Variants in PWWP2A observed in about 807,000 individuals in gnomAD.
PWWP2A encodes the protein PWWP domain-containing protein 2A.
PWWP2A carries 18 observed loss-of-function variants against 48.5 expected under a neutral mutation model. The observed-to-expected ratio is 0.37, with a 90% CI of 0.26 to 0.55. The LOEUF (loss-of-function observed/expected upper bound fraction) is 0.55. Ranked by LOEUF, PWWP2A falls within the 20% of genes least tolerant of loss-of-function variation. The pLI is 0.81. For synonymous variants in PWWP2A, 396 were observed against 387.7 expected, an observed-to-expected ratio of 1.02 and a Z score of -0.25; for missense variants, 867 against 976.4, an observed-to-expected ratio of 0.89 and a Z score of 1.49.
intron 1 of PWWP2A, among the ~76,000 whole-genome samples, chr5:160,101,194 T>C (rs1164207360): frequency 6.6e-6 from 1 of 152,052 alleles, no homozygotes; most frequent in Non-Finnish European, 1.5e-5. Flanking sequence ...CTACTAAAAA[T>C]ACAAAAATTA....
downstream of PWWP2A, among the ~76,000 whole-genome samples, chr5:160,088,987 A>AT (rs2113508649): frequency 6.6e-6 from 1 of 152,314 alleles, no homozygotes; most frequent in South Asian, 2.1e-4. Flanking sequence ...TAGTGAAGAT[A>AT]TATTCATTTT....
In PWWP2A at chr5:160,092,249, G is replaced by A. The variant is rs1261550343; in HGVS notation, c.*133C>T. The stretch of plus-strand genomic sequence containing the variant: ...CAGTCTAAAAATGGCTATAAGGTAA[G>A]TATTAAAAAGCCAGCCAACTGAGTG... On this transcript the variant is annotated 3_prime_UTR_variant, in exon 2 of 2. Coordinates refer to ENST00000307063, the MANE Select transcript of PWWP2A (RefSeq NM_001130864.2). 3.5e-6 allele frequency: 5 copies of A among 1,420,166 alleles called. No homozygotes were observed. Among genetic ancestry groups the A allele is most frequent in the Admixed American group, 2.9e-5 (1 of 34,354 alleles). 88.0% of individuals were successfully genotyped at this position (1,420,166 alleles called of 1,614,324 possible).
Position 160,119,169 on chromosome 5 carries a change from G to A in PWWP2A, c.220C>T (p.Pro74Ser). ...DEPPLPPPPP[P>S]PGELARSPEA... is the part of the protein sequence containing the mutation. ...GGGCTGCGGGCGAGCTCCCCCGGCG[G>A]CGGCGGTGGCGGCGGGAGCGGCGGC... Residue 74 changes from proline (P) to serine (S), a missense_variant, in exon 1 of 2, where the codon CCG becomes TCG. By Grantham distance (74) the Pro-to-Ser change is moderately conservative (BLOSUM62 -1). Coordinates refer to ENST00000307063, the MANE Select transcript of PWWP2A (RefSeq NM_001130864.2). 1 of 1,512,592 alleles carries A rather than the reference G, an allele frequency of 6.6e-7. No homozygotes were observed. Among genetic ancestry groups the A allele is most frequent in the East Asian group, 2.6e-5 (1 of 38,666 alleles). The allele number at this position is 1,512,592 out of a possible 1,614,324, so 93.7% of individuals were successfully genotyped here.
At chr5:160,085,699 G>T (rs1219441061) in intron 2 of PWWP2A, among the ~76,000 whole-genome samples, 1 of 151,902 alleles carries the variant, frequency 6.6e-6, no homozygotes, top group East Asian at 1.9e-4. Flanking sequence ...TAGAGACGGG[G>T]TTTCACCACG....
At chr5:160,048,027 G>A in the PWWP2A span, among the ~76,000 whole-genome samples, 8 of 148,354 alleles carry the variant, frequency 5.4e-5, no homozygotes, top group Admixed American at 2.0e-4. Flanking sequence ...TACATTGGAC[G>A]TATATATTAA....
At chr5:160,105,903 C>T (rs1581248584) in intron 1 of PWWP2A, among the ~76,000 whole-genome samples, 2 of 152,098 alleles carry the variant, frequency 1.3e-5, no homozygotes, top group South Asian at 2.1e-4. Context: ...GGCTTCAAAG[C>T]TGACAATTTG....
downstream of PWWP2A, among the ~76,000 whole-genome samples, chr5:160,072,941 T>A (rs887147407): frequency 7.5e-6 from 1 of 133,624 alleles, no homozygotes; most frequent in Non-Finnish European, 1.5e-5. Context: ...GAGGCGGAAG[T>A]TGCAGTGTGC....
chr5:160,062,962 G>A (rs1753470533), intron 5 of PWWP2A, among the ~76,000 whole-genome samples: 1 of 152,196 alleles, frequency 6.6e-6, no homozygotes, highest in South Asian at 2.1e-4. Flanking sequence ...GCCCGAGGCT[G>A]TGCCGCTGCC....
intron 1 of PWWP2A, among the ~76,000 whole-genome samples, chr5:160,115,638 A>C (rs1422149863): frequency 6.6e-6 from 1 of 151,692 alleles, no homozygotes; most frequent in African/African-American, 2.4e-5. Context: ...GGTTGCACTG[A>C]GCTGAGATCA....
In PWWP2A at chr5:160,119,429, G is replaced by T. The variant is rs372339375; in HGVS notation, c.-41C>A. 1 of 1,349,444 alleles carries T rather than the reference G, an allele frequency of 7.4e-7. No individual in the cohort carries two copies. Among genetic ancestry groups the T allele is most frequent in the Non-Finnish European group, 9.5e-7 (1 of 1,056,246 alleles). The allele number at this position is 1,349,444 out of a possible 1,614,324, so 83.6% of individuals were successfully genotyped here. A position where few individuals can be genotyped will look rare whatever the true frequency, so the allele number is the denominator to read the frequency against. ...TCCCTCCTCCAACTCCGGCTGCAGC[G>T]GCGGCGGCGACAGCGCTGCTTGGTT... is the stretch of plus-strand genomic sequence containing the variant. On this transcript the variant is annotated 5_prime_UTR_variant, in exon 1 of 2. Coordinates refer to ENST00000307063, the MANE Select transcript of PWWP2A (RefSeq NM_001130864.2).
At chr5:160,056,324 C>T in the PWWP2A span, among the ~76,000 whole-genome samples, 3 of 152,180 alleles carry the variant, frequency 2.0e-5, no homozygotes, top group African/African-American at 4.8e-5. Context: ...GGAACATATT[C>T]CTGGTGTCCT....
At chr5:160,104,629 C>T (rs898218322) in intron 1 of PWWP2A, among the ~76,000 whole-genome samples, 4 of 151,818 alleles carry the variant, frequency 2.6e-5, no homozygotes. Context: ...ATGGCAAAAC[C>T]CCATTTCTAC....
chr5:160,118,714 G>A (rs936712165), intron 1 of PWWP2A, 91 bp downstream of exon 1: 49 of 1,244,482 alleles, frequency 3.9e-5, no homozygotes, highest in Non-Finnish European at 4.8e-5. Context: ...GGGCAGCGGG[G>A]AAGCGAGGGC....
chr5:160,084,826 C>T (rs1426440563), intron 2 of PWWP2A, among the ~76,000 whole-genome samples: 2 of 152,000 alleles, frequency 1.3e-5, no homozygotes, highest in Non-Finnish European at 2.9e-5. Context: ...ACACTCAACT[C>T]GATGACACTT....
chr5:160,079,186 C>A (rs1754056043), intron 3 of PWWP2A, among the ~76,000 whole-genome samples: 1 of 151,942 alleles, frequency 6.6e-6, no homozygotes, highest in Admixed American at 6.6e-5. Context: ...AACAGAAAAA[C>A]CACTCCGTCC....
chr5:160,117,996 G>T, intron 1 of PWWP2A: 1 of 452,774 alleles, frequency 2.2e-6, no homozygotes, highest in Non-Finnish European at 2.9e-6. Flanking sequence ...TGAAAGCAGA[G>T]CCCAAAAACA....
chr5:160,093,542 T>A lies in PWWP2A; in HGVS notation c.1108A>T (p.Lys370Ter). 6.2e-7 allele frequency: 1 copy of A among 1,613,792 alleles called. No individual in the cohort carries two copies. The highest frequency in any genetic ancestry group is 8.5e-7 in the Non-Finnish European group (1 of 1,179,840). ...TVNKKLKTDH[K>*]VDGKNQNESQ... ...TCATTTTGGTTTTTCCCATCCACTT[T>A]ATGGTCAGTTTTCAGTTTTTTGTTC... Residue 370 changes from lysine to a stop codon, truncating the protein, a stop_gained, in exon 2 of 2, where the codon AAA becomes TAA. Coordinates refer to ENST00000307063, the MANE Select transcript of PWWP2A (RefSeq NM_001130864.2). LOFTEE classifies it high-confidence loss of function. The surrounding 1 kb of genome is among the most constrained non-coding windows in gnomAD (Gnocchi z 5.8).
downstream of PWWP2A, among the ~76,000 whole-genome samples, chr5:160,058,482 C>T (rs1177085854): frequency 6.7e-6 from 1 of 148,352 alleles, no homozygotes; most frequent in African/African-American, 2.5e-5. Flanking sequence ...GCGATCTCGG[C>T]TCAGTGCAAG....
intron 1 of PWWP2A, among the ~76,000 whole-genome samples, chr5:160,097,755 G>A (rs1346263332): frequency 5.0e-5 from 7 of 140,744 alleles, no homozygotes; most frequent in East Asian, 2.3e-4. Context: ...TCTCACTGTC[G>A]CCCAGGCTGG....
Sources: allele counts gnomAD v4.1 joint callset (sites outside exome capture counted in the v4.1 genomes callset), GRCh38; gene constraint gnomAD v4.1.1; non-coding constraint Gnocchi (gnomAD v3.1); transcripts MANE v1.5; gene names NCBI Gene and HGNC (gene_info 2026-07-23, HGNC 2026-07-21).